Variants in SMARCD1 observed in about 807,000 individuals in gnomAD.
SMARCD1 encodes the protein SWI/SNF related BAF chromatin remodeling complex subunit D1, also known as SWI/SNF-related matrix-associated actin-dependent regulator of chromatin subfamily D member 1.
SMARCD1 carries 16 observed loss-of-function variants against 70.8 expected under a neutral mutation model. That is an observed-to-expected ratio of 0.23 (90% CI 0.15 to 0.34). SMARCD1 has a LOEUF of 0.34. Among genes scored for constraint, SMARCD1 ranks in the 10% least tolerant of loss-of-function variants. The pLI is 1.00. For missense variants in SMARCD1, 409 were observed against 655.5 expected (o/e 0.62, Z 4.11); for synonymous variants, 249 against 246.0 (o/e 1.01, Z -0.11).
intron 6 of SMARCD1, among the ~76,000 whole-genome samples, 173 bp from the exon 7 acceptor site, chr12:50,089,711 T>C (rs1950823950): frequency 6.6e-6 from 1 of 152,240 alleles, no homozygotes; most frequent in Non-Finnish European, 1.5e-5. Flanking sequence ...AATCTACTTA[T>C]ACACAGACAG....
chr12:50,096,717 A>G (rs984719258), intron 10 of SMARCD1, 133 bp from the exon 11 acceptor site: 2 of 747,640 alleles, frequency 2.7e-6, no homozygotes, highest in Non-Finnish European at 2.2e-6. Flanking sequence ...TTGGAGCTCT[A>G]TATGATGGTG....
At position 50,094,418 on chromosome 12, in the gene SMARCD1, C is replaced by G; in HGVS notation, c.1134-19C>G. On this transcript the variant is annotated intron_variant, in intron 9 of 12. Transcript: ENST00000394963. The stretch of plus-strand genomic sequence containing the variant: ...TAGGGGACAAGCTCTTTACCAGGCT[C>G]CTTTGGTTTCCTGTCCAGTGTTGAC... 1.9e-6 allele frequency: 3 copies of G among 1,611,084 alleles called. No homozygotes were observed. The highest frequency in any genetic ancestry group is 2.5e-6 in the Non-Finnish European group (3 of 1,178,816).
chr12:50,089,964 CCTA>C lies in SMARCD1; in HGVS notation c.855_857del (p.Leu286del). Reference sequence around the variant, plus strand: ...GAGACGTGAATGTACGGTGTACTGTCCTACTGATGCTGGATTACCAGGTATTCT... The same window carrying C: ...GAGACGTGAATGTACGGTGTACTGTCCTGATGCTGGATTACCAGGTATTCT... On this transcript the variant is annotated inframe_deletion, in exon 7 of 13. Transcript: ENST00000394963. The C allele has an allele frequency of 6.2e-7, 1 of 1,613,970 alleles. No individual in the cohort carries two copies. The highest frequency in any genetic ancestry group is 1.6e-4 in the Middle Eastern group (1 of 6,062).
intron 1 of SMARCD1, 79 bp downstream of exon 1, chr12:50,085,625 G>T: frequency 1.4e-6 from 1 of 702,162 alleles, no homozygotes; most frequent in Non-Finnish European, 1.8e-6. Context: ...GGTGGGGGGA[G>T]AAGTAGGAGG....
chr12:50,099,049 C>A lies in SMARCD1; in HGVS notation c.*49C>A. ...GACTGCACCAATTCTTGATTTGGGC[C>A]CTGTGCTGCCTGCCTCATAGTATCT... On this transcript the variant is annotated 3_prime_UTR_variant, in exon 13 of 13. Coordinates refer to ENST00000394963, the MANE Select transcript of SMARCD1 (RefSeq NM_003076.5). The A allele has an allele frequency of 6.4e-7, 1 of 1,557,056 alleles. No individual in the cohort carries two copies. The highest frequency in any genetic ancestry group is 8.9e-7 in the Non-Finnish European group (1 of 1,128,628).
intron 5 of SMARCD1, 88 bp downstream of exon 5, chr12:50,087,573 G>T (rs1950802780): frequency 6.8e-7 from 1 of 1,477,746 alleles, no homozygotes; most frequent in South Asian, 1.2e-5. Context: ...AGCCTAACTG[G>T]TGCTCACAGC....
Position 50,086,867 on chromosome 12 carries a change from C to T in SMARCD1, c.520C>T (p.Arg174Cys), listed in dbSNP as rs200814150. The change falls in exon 4 of 13, where the codon CGT becomes TGT. Residue 174 changes from arginine (R) to cysteine (C), a missense_variant. This residue lies in a region of SMARCD1 where 269 missense variants were observed against 498.6 expected (regional missense o/e 0.54). Coordinates refer to ENST00000394963, the MANE Select transcript of SMARCD1 (RefSeq NM_003076.5). ...GCTAGATATCCAAGAGGCCTTGAAACGTCCCATCAAGGTAACACAGGAAAG... is the reference window on the plus strand; with the variant it reads ...GCTAGATATCCAAGAGGCCTTGAAATGTCCCATCAAGGTAACACAGGAAAG... ...KRLDIQEALK[R>C]PIKQKRKLRI... The T allele has an allele frequency of 1.9e-6, 3 of 1,614,078 alleles. No individual in the cohort carries two copies. The highest frequency in any genetic ancestry group is 1.7e-6 in the Non-Finnish European group (2 of 1,179,980).
At chr12:50,086,467 C>T (rs1457133575) in intron 2 of SMARCD1, 119 bp downstream of exon 2, 3 of 577,678 alleles carry the variant, frequency 5.2e-6, no homozygotes, top group Non-Finnish European at 7.2e-6. Flanking sequence ...CAGAACTCAT[C>T]CTTGAGAATG....
chr12:50,093,303 C>T (rs1267243743), intron 9 of SMARCD1, among the ~76,000 whole-genome samples: 2 of 151,548 alleles, frequency 1.3e-5, no homozygotes, highest in African/African-American at 4.8e-5. Flanking sequence ...ATTCTCGTGC[C>T]TCAGCCTCCC....
At chr12:50,089,736 T>C in intron 6 of SMARCD1, 148 bp from the exon 7 acceptor site, 1 of 590,798 alleles carries the variant, frequency 1.7e-6, no homozygotes, top group Non-Finnish European at 3.0e-6. Context: ...CCCAAAGCCA[T>C]ATGCAGTTTT....
In SMARCD1 at chr12:50,086,662, G is replaced by A; in HGVS notation, c.407G>A (p.Arg136Lys). ...ATGGCTGACAAAATTCTACCTCAAA[G>A]GGTGAGTCCAGGCTATATGTCTTCT... is the stretch of plus-strand genomic sequence containing the variant. ...KKMADKILPQ[R>K]IRELVPESQA... Residue 136 changes from arginine to lysine, a missense_variant and splice_region_variant, in exon 3 of 13, where the codon AGG becomes AAG. This residue lies in a region of SMARCD1 where 269 missense variants were observed against 498.6 expected (regional missense o/e 0.54). Coordinates refer to ENST00000394963, the MANE Select transcript of SMARCD1 (RefSeq NM_003076.5). The A allele has an allele frequency of 6.2e-7, 1 of 1,614,132 alleles. No individual in the cohort carries two copies. Among genetic ancestry groups the A allele is most frequent in the Middle Eastern group, 1.6e-4 (1 of 6,062 alleles).
At chr12:50,087,018 G>T in intron 4 of SMARCD1, 140 bp downstream of exon 4, 1 of 863,306 alleles carries the variant, frequency 1.2e-6, no homozygotes. Flanking sequence ...TACAAACTGA[G>T]AATTACATTA....
chr12:50,094,546 C>CAGG lies in SMARCD1; in HGVS notation c.1246_1248dup (p.Glu416dup). 6.2e-7 allele frequency: 1 copy of CAGG among 1,614,120 alleles called. No homozygotes were observed. The highest frequency in any genetic ancestry group is 8.5e-7 in the Non-Finnish European group (1 of 1,180,002). On this transcript the variant is annotated inframe_insertion, in exon 10 of 13. Transcript: ENST00000394963. ...TTTTCTGCTGTCCACTGCCAGCCAA[C>CAGG]AGGAGATTGCTACTCTAGACAACAA...
At chr12:50,098,607 T>C in intron 11 of SMARCD1, 107 bp from the exon 12 acceptor site, 5 of 870,276 alleles carry the variant, frequency 5.7e-6, no homozygotes, top group Non-Finnish European at 9.2e-6. Flanking sequence ...TTGGTTAGAC[T>C]TCAACATTTT....
intron 11 of SMARCD1, among the ~76,000 whole-genome samples, chr12:50,097,658 G>C (rs925402948): frequency 1.8e-4 from 28 of 151,970 alleles, no homozygotes; most frequent in African/African-American, 6.5e-4. Context: ...TTGGGAGGCT[G>C]AGGAGGGCAG....
intron 11 of SMARCD1, among the ~76,000 whole-genome samples, chr12:50,097,530 T>C (rs749751151): frequency 1.3e-5 from 2 of 150,878 alleles, no homozygotes; most frequent in Non-Finnish European, 2.9e-5. Flanking sequence ...CCAGCCTGGG[T>C]GACAGAGCGA....
chr12:50,096,761 G>A, intron 10 of SMARCD1, 89 bp from the exon 11 acceptor site: 1 of 1,247,696 alleles, frequency 8.0e-7, no homozygotes, highest in African/African-American at 1.5e-5. Context: ...TAGGTTGGAA[G>A]TGGCATGTGG....
At chr12:50,098,908 T>C (rs1287993989) in intron 12 of SMARCD1, 39 bp from the exon 13 acceptor site, 2 of 1,610,582 alleles carry the variant, frequency 1.2e-6, no homozygotes, top group Non-Finnish European at 1.7e-6. Flanking sequence ...AACTTCTGGT[T>C]TGTCTCATCT....
At chr12:50,095,350 G>T (rs1315873233) in intron 10 of SMARCD1, among the ~76,000 whole-genome samples, 1 of 150,616 alleles carries the variant, frequency 6.6e-6, no homozygotes, top group Non-Finnish European at 1.5e-5. Flanking sequence ...TTTTTGAGAT[G>T]GAGTCTTGCT....
Sources: gnomAD v4.1 joint callset for allele counts (sites outside exome capture counted in the v4.1 genomes callset) on GRCh38, gnomAD v4.1.1 for gene constraint, gnomAD v4.1.1 regional missense constraint, MANE v1.5 for transcripts, NCBI Gene and HGNC (gene_info 2026-07-23, HGNC 2026-07-21) for gene names.